AGO3: variants seen among roughly 807,000 people sequenced by gnomAD.
AGO3 encodes the protein argonaute RISC catalytic component 3, also known as protein argonaute-3.
AGO3 carries 16 observed loss-of-function variants against 105.5 expected under a neutral mutation model. The ratio of observed to expected loss-of-function variants is 0.15; its 90% confidence interval spans 0.10 to 0.23. The LOEUF (loss-of-function observed/expected upper bound fraction) is 0.23, where lower values mean the gene tolerates loss of function less well. AGO3 is among the 10% of genes least tolerant of loss of function. AGO3 has a pLI of 1.00. For missense variants in AGO3, 534 were observed against 1,088.0 expected (o/e 0.49, Z 7.16); for synonymous variants, 340 against 367.3 (o/e 0.93, Z 0.85).
chr1:36,027,074 A>C lies in AGO3; in HGVS notation c.1407-40A>C. The C allele has an allele frequency of 6.4e-7, 1 of 1,564,610 alleles. No individual in the cohort carries two copies. On this transcript the variant is annotated intron_variant, in intron 11 of 18. Coordinates refer to ENST00000373191, the MANE Select transcript of AGO3 (RefSeq NM_024852.4). This position sits in a 1 kb window ranked among gnomAD's most constrained non-coding sequence, Gnocchi z 4.0. ...CATTACTACTTTGTAGGAATTCATG[A>C]CTAGACAAAGGTTTTATATTTAGTG...
At chr1:36,024,670 A>C (rs986997537) in intron 11 of AGO3, among the ~76,000 whole-genome samples, 3 of 152,044 alleles carry the variant, frequency 2.0e-5, no homozygotes, top group Non-Finnish European at 4.4e-5. Flanking sequence ...TGACATTCAA[A>C]ATTAGTATGA....
intron 13 of AGO3, 40 bp downstream of exon 13, chr1:36,034,373 A>G (rs888998118): frequency 6.1e-6 from 9 of 1,484,166 alleles, no homozygotes; most frequent in East Asian, 2.4e-5. Context: ...TTATTTTTAT[A>G]TCTTCATTTG....
At position 36,034,227 on chromosome 1, in the gene AGO3, C is replaced by A; in HGVS notation, c.1645C>A (p.Gln549Lys). Reference protein sequence around the residue: ...TLLGMATQCVQVKNVIKTSPQ... With the variant: ...TLLGMATQCVKVKNVIKTSPQ... ...TTTGGGTATGGCTACACAATGTGTTCAAGTCAAGAATGTAATAAAAACATC... is the reference window on the plus strand; with the variant it reads ...TTTGGGTATGGCTACACAATGTGTTAAAGTCAAGAATGTAATAAAAACATC... Residue 549 changes from glutamine to lysine, a missense_variant, in exon 13 of 19, where the codon CAA (glutamine) becomes AAA (lysine). This residue lies in a region of AGO3 where 373 missense variants were observed against 854.0 expected (regional missense o/e 0.44). Coordinates refer to ENST00000373191, the MANE Select transcript of AGO3 (RefSeq NM_024852.4). The A allele has an allele frequency of 6.2e-7, 1 of 1,603,962 alleles. No individual in the cohort carries two copies. The highest frequency in any genetic ancestry group is 1.1e-5 in the South Asian group (1 of 89,238).
Position 36,008,678 on chromosome 1 carries a change from T to G in AGO3, c.794-12T>G, listed in dbSNP as rs1260109308. On this transcript the variant is annotated splice_polypyrimidine_tract_variant and intron_variant, in intron 6 of 18. Transcript: ENST00000373191. This position sits in a 1 kb window ranked among gnomAD's most constrained non-coding sequence, Gnocchi z 5.1. ...ACAGTTCTGTAACCTCCATTTTTCTTGTTGGGAACAGGTTTGAAGGTTGAA... is the reference window on the plus strand; with the variant it reads ...ACAGTTCTGTAACCTCCATTTTTCTGGTTGGGAACAGGTTTGAAGGTTGAA... The G allele has an allele frequency of 6.2e-7, 1 of 1,613,510 alleles. No individual in the cohort carries two copies. Among genetic ancestry groups the G allele is most frequent in the African/African-American group, 1.3e-5 (1 of 74,900 alleles).
At chr1:35,985,713 A>C (rs562358381) in intron 5 of AGO3, among the ~76,000 whole-genome samples, 1 of 152,370 alleles carries the variant, frequency 6.6e-6, no homozygotes, top group South Asian at 2.1e-4. Flanking sequence ...AAATGAGAGA[A>C]TGTTCCTAAC....
intron 17 of AGO3, among the ~76,000 whole-genome samples, chr1:36,045,263 C>T (rs1237134351): frequency 6.6e-6 from 1 of 151,974 alleles, no homozygotes; most frequent in Non-Finnish European, 1.5e-5. Flanking sequence ...ACTCTGTCAC[C>T]CAGGCTGGAG....
intron 16 of AGO3, 89 bp downstream of exon 16, chr1:36,040,530 C>T: frequency 7.1e-7 from 1 of 1,410,974 alleles, no homozygotes; most frequent in Non-Finnish European, 9.8e-7. Context: ...CTGCCAACAG[C>T]AGGATTTCCA....
intron 5 of AGO3, among the ~76,000 whole-genome samples, chr1:35,976,311 TTA>T (rs1646956680): frequency 6.6e-6 from 1 of 152,194 alleles, no homozygotes; most frequent in African/African-American, 2.4e-5. Context: ...TGGTAATTGC[TTA>T]TATATATTCA....
At chr1:36,037,446 G>A (rs1305683133) in intron 14 of AGO3, among the ~76,000 whole-genome samples, 9 of 152,070 alleles carry the variant, frequency 5.9e-5, no homozygotes, top group Non-Finnish European at 1.0e-4. Context: ...ACTTGAACTC[G>A]GGAGGCGGAG....
Position 36,066,546 on chromosome 1 carries a change from G to A in AGO3, c.*10801G>A, listed in dbSNP as rs1643096406. ...CTGCACTCCAGCCTGGGCGACAAGA[G>A]TGAAACTCCGTCTCAAAAAATAATA... On this transcript the variant is annotated 3_prime_UTR_variant, in exon 19 of 19. Transcript: ENST00000373191. 6.6e-6 allele frequency: 1 copy of A among 152,144 alleles called. No homozygotes were observed. The highest frequency in any genetic ancestry group is 1.5e-5 in the Non-Finnish European group (1 of 68,030). 9.4% of individuals were successfully genotyped at this position (152,144 alleles called of 1,614,324 possible). A position where few individuals can be genotyped will look rare whatever the true frequency, so the allele number is the denominator to read the frequency against.
rs951289014 is a variant in AGO3, at chr1:36,061,807, C to T, written c.*6062C>T. On this transcript the variant is annotated 3_prime_UTR_variant, in exon 19 of 19. Transcript: ENST00000373191. ...GATGGTGCTGTAGATTTTTATTTTT[C>T]AAGTAGCACGAAGCTAAGAATTTTA... is the stretch of plus-strand genomic sequence containing the variant. 3 of 152,214 alleles carry T rather than the reference C, an allele frequency of 2.0e-5. No homozygotes were observed. In the East Asian group the frequency reaches 5.8e-4, roughly 29 times the overall value. The allele number at this position is 152,214 out of a possible 1,614,324, so 9.4% of individuals were successfully genotyped here. A position where few individuals can be genotyped will look rare whatever the true frequency, so the allele number is the denominator to read the frequency against.
chr1:35,995,990 A>G (rs1400453930), intron 5 of AGO3, among the ~76,000 whole-genome samples: 4 of 152,104 alleles, frequency 2.6e-5, no homozygotes, highest in African/African-American at 9.7e-5. Flanking sequence ...GGATTTGTTA[A>G]TAAATTGAAA....
Position 36,071,509 on chromosome 1 carries a change from C to T in AGO3, c.*15764C>T, listed in dbSNP as rs1643166601. ...TCTTTCTCCATCCTCCTTTTCCACACTATTCTTGCCAAATATTTCTACTGA... is the reference window on the plus strand; with the variant it reads ...TCTTTCTCCATCCTCCTTTTCCACATTATTCTTGCCAAATATTTCTACTGA... On this transcript the variant is annotated 3_prime_UTR_variant, in exon 19 of 19. Transcript: ENST00000373191. 6.6e-6 allele frequency: 1 copy of T among 152,160 alleles called. No individual in the cohort carries two copies. Among genetic ancestry groups the T allele is most frequent in the African/African-American group, 2.4e-5 (1 of 41,420 alleles). 9.4% of individuals were successfully genotyped at this position (152,160 alleles called of 1,614,324 possible). A position where few individuals can be genotyped will look rare whatever the true frequency, so the allele number is the denominator to read the frequency against.
intron 2 of AGO3, among the ~76,000 whole-genome samples, chr1:35,946,762 C>G (rs894967005): frequency 1.3e-5 from 2 of 152,122 alleles, no homozygotes; most frequent in Non-Finnish European, 2.9e-5. Context: ...CACTAAAAGA[C>G]TTTGTGATAA....
intron 17 of AGO3, among the ~76,000 whole-genome samples, chr1:36,050,954 G>A (rs1349466654): frequency 6.6e-6 from 1 of 152,048 alleles, no homozygotes; most frequent in Non-Finnish European, 1.5e-5. Flanking sequence ...AGCCTCCCGA[G>A]TAGCTAGGGC....
intron 5 of AGO3, among the ~76,000 whole-genome samples, chr1:35,980,429 A>G (rs902048772): frequency 1.3e-5 from 2 of 152,240 alleles, no homozygotes; most frequent in Admixed American, 1.3e-4. Flanking sequence ...GTTTCATTCC[A>G]TTTGTTTTCA....
At position 35,960,210 on chromosome 1, in the gene AGO3, G is replaced by T. The variant is rs546918839; in HGVS notation, c.192-6745G>T. Among the ~76,000 whole-genome samples the T allele has an allele frequency of 4.6e-5, 7 of 152,184 alleles. No homozygotes were observed. In the South Asian group the frequency reaches 1.4e-3, roughly 32 times the overall value. On this transcript the variant is annotated intron_variant, in intron 2 of 18. Coordinates refer to ENST00000373191, the MANE Select transcript of AGO3 (RefSeq NM_024852.4). ...TAGATAAATTACTGTTCTAAAGAGTGTTTTTTCTCTAGCTCCACATGCCTA... is the reference window on the plus strand; with the variant it reads ...TAGATAAATTACTGTTCTAAAGAGTTTTTTTTCTCTAGCTCCACATGCCTA...
chr1:35,999,631 C>T (rs1569705291), intron 5 of AGO3, among the ~76,000 whole-genome samples: 1 of 152,036 alleles, frequency 6.6e-6, no homozygotes, highest in Non-Finnish European at 1.5e-5. Flanking sequence ...TTGTTGTGAT[C>T]ATAAGTGGTA....
intron 17 of AGO3, among the ~76,000 whole-genome samples, chr1:36,046,124 T>C (rs1032616838): frequency 6.6e-6 from 1 of 152,194 alleles, no homozygotes; most frequent in Admixed American, 6.5e-5. Flanking sequence ...TAATCCCATC[T>C]TGGGGAGTTG....
Sources: allele counts gnomAD v4.1 joint callset (sites outside exome capture counted in the v4.1 genomes callset), GRCh38; gene constraint gnomAD v4.1.1; regional missense constraint gnomAD v4.1.1; non-coding constraint Gnocchi (gnomAD v3.1); transcripts MANE v1.5; gene names NCBI Gene and HGNC (gene_info 2026-07-23, HGNC 2026-07-21).